RICTOR: variants seen among roughly 807,000 people sequenced by gnomAD.
The protein encoded by RICTOR is RPTOR independent companion of MTOR complex 2.
RICTOR carries 49 observed loss-of-function variants against 214.9 expected under a neutral mutation model. The observed-to-expected ratio is 0.23, with a 90% CI of 0.18 to 0.29. RICTOR has a LOEUF of 0.29. Ranked by LOEUF, RICTOR falls within the 10% of genes least tolerant of loss-of-function variation. The pLI is 1.00. For missense variants in RICTOR, 1,625 were observed against 2,047.0 expected (o/e 0.79, Z 3.98); for synonymous variants, 717 against 711.3 (o/e 1.01, Z -0.13).
At chr5:39,064,988 GACTTCA>G (rs1046132094) in intron 2 of RICTOR, among the ~76,000 whole-genome samples, 6 of 152,162 alleles carry the variant, frequency 3.9e-5, no homozygotes, top group African/African-American at 1.2e-4. Context: ...TCGTTCTCTG[GACTTCA>G]ACTTCAATGC....
chr5:39,070,284 T>C (rs1759215076), intron 2 of RICTOR, among the ~76,000 whole-genome samples: 2 of 151,394 alleles, frequency 1.3e-5, no homozygotes, highest in South Asian at 2.1e-4. Flanking sequence ...GCTAACAAGG[T>C]GAAACCCCGT....
intron 2 of RICTOR, among the ~76,000 whole-genome samples, chr5:39,046,365 A>C (rs1757499728): frequency 1.3e-5 from 2 of 151,066 alleles, no homozygotes; most frequent in Admixed American, 1.3e-4. Context: ...CCCTGTCTCT[A>C]AAAACAAAAT....
chr5:38,944,938 G>C lies in RICTOR; in HGVS notation c.4764C>G (p.Ser1588Arg). The change falls in exon 35 of 38, where the codon AGC becomes AGG. Residue 1588 changes from serine to arginine, a missense_variant. By Grantham distance (110) the Ser-to-Arg change is moderately radical. Coordinates refer to ENST00000357387, the MANE Select transcript of RICTOR (RefSeq NM_152756.5). The stretch of plus-strand genomic sequence containing the variant: ...CTAGTAACAATTCTGTGCTTTTGGT[G>C]CTGCTAGCTGAGCCTTCTTGAGACA... ...DGVSQEGSAS[S>R]TKSTELLLGV... 1.2e-6 allele frequency: 2 copies of C among 1,613,928 alleles called. No homozygotes were observed.
chr5:38,952,786 A>G (rs1301495193), intron 29 of RICTOR, among the ~76,000 whole-genome samples, 199 bp downstream of exon 29: 1 of 151,964 alleles, frequency 6.6e-6, no homozygotes, highest in East Asian at 1.9e-4. Context: ...AAACTTCAAT[A>G]TAATAAAAAT....
intron 2 of RICTOR, among the ~76,000 whole-genome samples, chr5:39,035,485 G>T (rs914298473): frequency 6.6e-6 from 1 of 152,192 alleles, no homozygotes; most frequent in East Asian, 1.9e-4. Flanking sequence ...TGACTTTGAC[G>T]AGTTGAGAGA....
intron 2 of RICTOR, among the ~76,000 whole-genome samples, chr5:39,073,040 C>G (rs999130908): frequency 2.6e-5 from 4 of 152,154 alleles, no homozygotes; most frequent in African/African-American, 9.7e-5. Flanking sequence ...AACAAGGAGC[C>G]CAGCTTTAAC....
At chr5:39,016,546 G>A (rs967685369) in intron 3 of RICTOR, among the ~76,000 whole-genome samples, 6 of 151,850 alleles carry the variant, frequency 4.0e-5, no homozygotes, top group African/African-American at 1.5e-4. Context: ...TAGACCAACA[G>A]AAAACAAGGA....
chr5:38,953,094 GAAAGA>G lies in RICTOR; in HGVS notation c.2791-8_2791-4del, dbSNP rs762689595. On this transcript the variant is annotated splice_polypyrimidine_tract_variant and splice_region_variant and intron_variant, in intron 28 of 37. Transcript: ENST00000357387. The stretch of plus-strand genomic sequence containing the variant: ...CAATTTGATGAGCCGATATTTCCCT[GAAAGA>G]AAAGAAATCACTTACATCAAATATA... The G allele has an allele frequency of 1.3e-5, 20 of 1,563,430 alleles. No individual in the cohort carries two copies. The highest frequency in any genetic ancestry group is 4.5e-5 in the East Asian group (2 of 44,428).
chr5:38,964,932 T>C (rs767271535), intron 15 of RICTOR, 40 bp from the exon 16 acceptor site: 2 of 1,238,576 alleles, frequency 1.6e-6, no homozygotes, highest in Non-Finnish European at 2.4e-6. Context: ...TTTTCAGAAG[T>C]AGAAAGAGTT....
chr5:38,991,435 C>T (rs1752767717), intron 6 of RICTOR, among the ~76,000 whole-genome samples: 1 of 152,084 alleles, frequency 6.6e-6, no homozygotes, highest in South Asian at 2.1e-4. Context: ...CAATATACTA[C>T]TGTACTTTTA....
In RICTOR at chr5:38,941,407, AAAGT is replaced by A; in HGVS notation, c.*893_*896del. 1 of 232,076 alleles carries A rather than the reference AAAGT, an allele frequency of 4.3e-6. No homozygotes were observed. The highest frequency in any genetic ancestry group is 6.1e-5 in the East Asian group (1 of 16,266). 14.4% of individuals were successfully genotyped at this position (232,076 alleles called of 1,614,324 possible). Reference sequence around the variant, plus strand: ...AACTTATCTTTTCCTCAGGAGATCCAAAGTATTATTTAATGCTTTCCTATCCTTT... The same window carrying A: ...AACTTATCTTTTCCTCAGGAGATCCAATTATTTAATGCTTTCCTATCCTTT... On this transcript the variant is annotated 3_prime_UTR_variant, in exon 38 of 38. Transcript: ENST00000357387.
chr5:38,961,365 T>A (rs754500907), intron 19 of RICTOR, among the ~76,000 whole-genome samples: 3 of 152,178 alleles, frequency 2.0e-5, no homozygotes, highest in Non-Finnish European at 4.4e-5. Context: ...AGATAATAAT[T>A]GTAAGATACT....
chr5:39,069,977 TTTTCC>T (rs1329878213), intron 2 of RICTOR, among the ~76,000 whole-genome samples: 2 of 152,334 alleles, frequency 1.3e-5, no homozygotes, highest in African/African-American at 4.8e-5. Context: ...CTTAATTTAT[TTTTCC>T]ACCTGCAATC....
intron 2 of RICTOR, among the ~76,000 whole-genome samples, chr5:39,042,200 A>G (rs114319430): frequency 0.031 from 4,729 of 152,186 alleles, 103 homozygotes; most frequent in Non-Finnish European, 0.049. Context: ...CTAGATTCTG[A>G]TATCTCTTTG....
At chr5:39,033,287 G>A in intron 2 of RICTOR, among the ~76,000 whole-genome samples, 1 of 149,842 alleles carries the variant, frequency 6.7e-6, no homozygotes. Context: ...ACAGACTCTT[G>A]CTCTGTTGCC....
At chr5:38,982,844 A>G (rs1439644799) in intron 7 of RICTOR, among the ~76,000 whole-genome samples, 1 of 151,978 alleles carries the variant, frequency 6.6e-6, no homozygotes, top group Non-Finnish European at 1.5e-5. Context: ...ATACATACAT[A>G]TACATATAAA....
At chr5:39,072,273 A>G (rs763994462) in intron 2 of RICTOR, among the ~76,000 whole-genome samples, 6 of 152,188 alleles carry the variant, frequency 3.9e-5, no homozygotes, top group African/African-American at 1.2e-4. Flanking sequence ...CTAAATTCTC[A>G]GTTAATATGG....
intron 2 of RICTOR, among the ~76,000 whole-genome samples, chr5:39,056,208 G>A (rs186295865): frequency 6.6e-6 from 1 of 152,262 alleles, no homozygotes; most frequent in African/African-American, 2.4e-5. Flanking sequence ...CACTTACTAT[G>A]TCCCAGGGCT....
At chr5:39,066,849 C>A (rs1038410761) in intron 2 of RICTOR, among the ~76,000 whole-genome samples, 1 of 152,184 alleles carries the variant, frequency 6.6e-6, no homozygotes, top group Non-Finnish European at 1.5e-5. Context: ...CCAGTTCCTA[C>A]TAAGTTCTTC....
Sources: allele counts gnomAD v4.1 joint callset (sites outside exome capture counted in the v4.1 genomes callset), GRCh38; gene constraint gnomAD v4.1.1; transcripts MANE v1.5; gene names NCBI Gene and HGNC (gene_info 2026-07-23, HGNC 2026-07-21).